XKR4: variants seen among roughly 807,000 people sequenced by gnomAD.
The protein encoded by XKR4 is XK related 4, also known as XK-related protein 4.
XKR4 carries 12 observed loss-of-function variants against 53.9 expected under a neutral mutation model. The ratio of observed to expected loss-of-function variants is 0.22; its 90% CI spans 0.14 to 0.36. The LOEUF is 0.36. Ranked by LOEUF, XKR4 falls within the 10% of genes least tolerant of loss-of-function variation. The probability of loss-of-function intolerance (pLI) is 1.00; values close to 1 mark genes in which losing one functional copy is unlikely to be tolerated. For synonymous variants in XKR4, 354 were observed against 362.4 expected, an observed-to-expected ratio of 0.98 and a Z score of 0.26; for missense variants, 799 against 859.5, an observed-to-expected ratio of 0.93 and a Z score of 0.88.
rs1282386773 is a variant in XKR4, at chr8:55,102,069, G to C, written c.-420G>C. ...TCAGCTGGTGGAGGAGAGGAAGCGG[G>C]AGGAGGGAGCGCGCGCGAGGGGAGG... On this transcript the variant is annotated 5_prime_UTR_variant, in exon 1 of 3. Coordinates refer to ENST00000327381, the MANE Select transcript of XKR4 (RefSeq NM_052898.2). The surrounding 1 kb of genome is among the most constrained non-coding windows in gnomAD (Gnocchi z 5.1). Among the ~76,000 whole-genome samples, 1 of 152,058 alleles carries C rather than the reference G, an allele frequency of 6.6e-6. No homozygotes were observed. Among genetic ancestry groups the C allele is most frequent in the Non-Finnish European group, 1.5e-5 (1 of 68,004 alleles).
intron 1 of XKR4, among the ~76,000 whole-genome samples, chr8:55,246,277 T>C (rs549129130): frequency 6.6e-6 from 1 of 152,226 alleles, no homozygotes; most frequent in Non-Finnish European, 1.5e-5. Context: ...AATCTTCTGC[T>C]CCTCAGTGCC....
chr8:55,128,691 G>A lies in XKR4; in HGVS notation c.806+25397G>A, dbSNP rs190294958. Among the ~76,000 whole-genome samples the A allele has an allele frequency of 1.6e-4, 24 of 152,252 alleles. No homozygotes were observed. The South Asian group carries it at 1.7e-3, about 11-fold the overall frequency. Reference sequence around the variant, plus strand: ...AAACACAAAAACCAGCAAACCAAACGTACCATGATTGCTGACATTTCAGCT... The same window carrying A: ...AAACACAAAAACCAGCAAACCAAACATACCATGATTGCTGACATTTCAGCT... On this transcript the variant is annotated intron_variant, in intron 1 of 2. Transcript: ENST00000327381.
At chr8:55,373,038 C>T (rs1172264963) in intron 2 of XKR4, among the ~76,000 whole-genome samples, 1 of 152,162 alleles carries the variant, frequency 6.6e-6, no homozygotes, top group Non-Finnish European at 1.5e-5. Flanking sequence ...AAGGACAGGG[C>T]CTGCTGAGCT....
chr8:55,487,787 A>G (rs1450558992), intron 2 of XKR4, among the ~76,000 whole-genome samples: 1 of 152,208 alleles, frequency 6.6e-6, no homozygotes, highest in Non-Finnish European at 1.5e-5. Flanking sequence ...TAATCCAGTC[A>G]AAATGACACC....
intron 1 of XKR4, among the ~76,000 whole-genome samples, chr8:55,116,701 C>G (rs1051971769): frequency 2.6e-5 from 4 of 152,146 alleles, no homozygotes; most frequent in African/African-American, 9.7e-5. Flanking sequence ...TCTGATTTCC[C>G]TTTCATGTAA....
intron 1 of XKR4, chr8:55,164,722 C>T (rs1208779213): frequency 7.7e-6 from 2 of 258,456 alleles, no homozygotes; most frequent in Non-Finnish European, 1.6e-5. Flanking sequence ...TATAATAATA[C>T]CATTACCAAT....
At chr8:55,199,843 G>GT (rs1817555974) in intron 1 of XKR4, among the ~76,000 whole-genome samples, 1 of 152,138 alleles carries the variant, frequency 6.6e-6, no homozygotes, top group Non-Finnish European at 1.5e-5. Context: ...TATTTGCATT[G>GT]TTTTTTAATT....
chr8:55,358,010 G>C lies in XKR4; in HGVS notation c.1006+133G>C, dbSNP rs376442386. On this transcript the variant is annotated intron_variant, in intron 2 of 2. Transcript: ENST00000327381. ...GTGTCTGCTGTTTTACATGTGTTTCGTGAATGATGCATGATGTTTTCCTAC... is the reference window on the plus strand; with the variant it reads ...GTGTCTGCTGTTTTACATGTGTTTCCTGAATGATGCATGATGTTTTCCTAC... 3 of 864,370 alleles carry C rather than the reference G, an allele frequency of 3.5e-6. No individual in the cohort carries two copies. The South Asian group carries it at 5.5e-5, about 16-fold the overall frequency. The allele number at this position is 864,370 out of a possible 1,614,324, so 53.5% of individuals were successfully genotyped here.
intron 1 of XKR4, among the ~76,000 whole-genome samples, chr8:55,323,652 A>C (rs759097286): frequency 6.6e-6 from 1 of 152,200 alleles, no homozygotes; most frequent in Non-Finnish European, 1.5e-5. Flanking sequence ...ACCTCTGTAA[A>C]TGTGTATGTG....
At chr8:55,310,893 G>A (rs1374607661) in intron 1 of XKR4, among the ~76,000 whole-genome samples, 1 of 152,326 alleles carries the variant, frequency 6.6e-6, no homozygotes, top group African/African-American at 2.4e-5. Flanking sequence ...CCCACAGAGG[G>A]TGTTATAGGG....
At chr8:55,462,865 A>C (rs1324840441) in intron 2 of XKR4, among the ~76,000 whole-genome samples, 4 of 152,214 alleles carry the variant, frequency 2.6e-5, no homozygotes, top group African/African-American at 9.7e-5. Context: ...ACAAAGATCA[A>C]AAGAGACAAA....
chr8:55,167,489 G>A lies in XKR4; in HGVS notation c.806+64195G>A, dbSNP rs944285822. On this transcript the variant is annotated intron_variant, in intron 1 of 2. Transcript: ENST00000327381. Reference sequence around the variant, plus strand: ...AAAGGAGAAGGCAGAACCGTAGGACGAAAAGAACCCAGGACCCCAAATAAC... The same window carrying A: ...AAAGGAGAAGGCAGAACCGTAGGACAAAAAGAACCCAGGACCCCAAATAAC... 3.3e-5 allele frequency among the ~76,000 whole-genome samples: 5 copies of A among 152,164 alleles called. No homozygotes were observed. In the South Asian group the frequency reaches 6.2e-4, roughly 19 times the overall value.
chr8:55,269,725 G>A (rs894527118), intron 1 of XKR4, among the ~76,000 whole-genome samples: 4 of 152,154 alleles, frequency 2.6e-5, no homozygotes, highest in Admixed American at 6.5e-5. Flanking sequence ...AATCAATTCC[G>A]CTGCCCAAAA....
intron 1 of XKR4, chr8:55,142,157 T>A: frequency 2.2e-6 from 1 of 456,118 alleles, no homozygotes; most frequent in Non-Finnish European, 4.4e-6. Flanking sequence ...CCCACTGGCC[T>A]CACTGCTGCT....
At chr8:55,223,099 C>T (rs1817903169) in intron 1 of XKR4, among the ~76,000 whole-genome samples, 1 of 152,114 alleles carries the variant, frequency 6.6e-6, no homozygotes, top group Non-Finnish European at 1.5e-5. Context: ...GTTAGGTCCT[C>T]AAAGAAAAAC....
In XKR4 at chr8:55,507,429, C is replaced by T. The variant is rs7822562; in HGVS notation, c.1007-15852C>T. Among the ~76,000 whole-genome samples the T allele has an allele frequency of 5.4e-3, 821 of 151,908 alleles. 7 individuals are homozygous for T. The highest frequency in any genetic ancestry group is 0.019 in the African/African-American group (784 of 41,408). On this transcript the variant is annotated intron_variant, in intron 2 of 2. Coordinates refer to ENST00000327381, the MANE Select transcript of XKR4 (RefSeq NM_052898.2). ...GGTTAGTTACATATGTATACATGTG[C>T]CATGTTGTTGTGCTGCACCCAGTAA...
chr8:55,454,282 C>T lies in XKR4; in HGVS notation c.1007-68999C>T, dbSNP rs932437134. 8 of 1,396,748 alleles carry T rather than the reference C, an allele frequency of 5.7e-6. No individual in the cohort carries two copies. The African/African-American group carries it at 8.5e-5, about 15-fold the overall frequency. 86.5% of individuals were successfully genotyped at this position (1,396,748 alleles called of 1,614,324 possible). A position where few individuals can be genotyped will look rare whatever the true frequency, so the allele number is the denominator to read the frequency against. ...CAATCACGTCTAGCAGCTCCTGGGT[C>T]TCTGCCTGGAAGGCCGCATTGACCC... On this transcript the variant is annotated intron_variant, in intron 2 of 2. Transcript: ENST00000327381.
chr8:55,521,313 A>G (rs766741584), intron 2 of XKR4, among the ~76,000 whole-genome samples: 5 of 152,258 alleles, frequency 3.3e-5, no homozygotes, highest in Non-Finnish European at 7.3e-5. Flanking sequence ...AAGTGATAAT[A>G]AAGATGTTCG....
At chr8:55,454,461 C>A in intron 2 of XKR4, 1 of 1,181,530 alleles carries the variant, frequency 8.5e-7, no homozygotes, top group Admixed American at 2.0e-5. Flanking sequence ...AGGAAGAGAA[C>A]CTCGTGCTCC....
Sources: gnomAD v4.1 joint callset for allele counts (sites outside exome capture counted in the v4.1 genomes callset) on GRCh38, gnomAD v4.1.1 for gene constraint, Gnocchi (gnomAD v3.1) non-coding constraint, MANE v1.5 for transcripts, NCBI Gene and HGNC (gene_info 2026-07-23, HGNC 2026-07-21) for gene names.